Variants in MYH13 observed in about 807,000 individuals in gnomAD.
MYH13 encodes myosin heavy chain 13, also known as myosin-13.
MYH13 carries 177 observed loss-of-function variants against 232.1 expected under a neutral mutation model. The observed-to-expected ratio is 0.76, with a 90% CI of 0.67 to 0.86. MYH13 has a LOEUF of 0.86. Ranked by LOEUF, MYH13 falls within the 40% of genes least tolerant of loss-of-function variation. The pLI, the probability that MYH13 is intolerant of heterozygous loss-of-function variation, is 0.00. For synonymous variants in MYH13, 884 were observed against 923.5 expected (o/e 0.96, Z 0.78); for missense variants, 2,246 against 2,405.9 (o/e 0.93, Z 1.39).
intron 22 of MYH13, among the ~76,000 whole-genome samples, chr17:10,326,578 C>T (rs1379365022): frequency 1.3e-5 from 2 of 151,564 alleles, no homozygotes; most frequent in African/African-American, 4.9e-5. Flanking sequence ...TCAAGTGATT[C>T]TCCTGCCTCA....
intron 11 of MYH13, among the ~76,000 whole-genome samples, chr17:10,352,979 T>A (rs1366757239): frequency 6.6e-6 from 1 of 152,010 alleles, no homozygotes; most frequent in Non-Finnish European, 1.5e-5. Context: ...GCAGCTGAGC[T>A]TCAGCCAATC....
chr17:10,335,399 A>T (rs2142249584), intron 18 of MYH13, among the ~76,000 whole-genome samples: 1 of 152,290 alleles, frequency 6.6e-6, no homozygotes, highest in African/African-American at 2.4e-5. Flanking sequence ...AGCATTTCAG[A>T]TAAAGGGATA....
At chr17:10,305,842 C>CG (rs1234570526) in intron 37 of MYH13, among the ~76,000 whole-genome samples, 1 of 152,122 alleles carries the variant, frequency 6.6e-6, no homozygotes, top group East Asian at 1.9e-4. Context: ...GTCCAGGTGT[C>CG]GGGGGGTTGA....
intron 31 of MYH13, 90 bp downstream of exon 31, chr17:10,312,484 T>C: frequency 1.4e-6 from 2 of 1,430,320 alleles, no homozygotes; most frequent in Admixed American, 2.4e-5. Context: ...TTGTCCCTTT[T>C]CCAAATTCAG....
At chr17:10,319,854 T>C (rs568792727) in intron 26 of MYH13, among the ~76,000 whole-genome samples, 5 of 152,228 alleles carry the variant, frequency 3.3e-5, no homozygotes, top group East Asian at 1.9e-4. Flanking sequence ...CCCAGTGAAA[T>C]TGGCAATTAA....
chr17:10,329,191 G>A (rs893693269), intron 21 of MYH13, among the ~76,000 whole-genome samples: 2 of 152,082 alleles, frequency 1.3e-5, no homozygotes, highest in Admixed American at 6.5e-5. Context: ...ACATGGTGGC[G>A]GTTCATTATG....
At chr17:10,350,140 G>A (rs1302706023) in intron 12 of MYH13, among the ~76,000 whole-genome samples, 1 of 152,148 alleles carries the variant, frequency 6.6e-6, no homozygotes, top group Non-Finnish European at 1.5e-5. Flanking sequence ...CTGGGGTGGA[G>A]GCGATGGGAG....
intron 37 of MYH13, among the ~76,000 whole-genome samples, chr17:10,305,959 G>C (rs909980476): frequency 6.6e-6 from 1 of 152,140 alleles, no homozygotes; most frequent in African/African-American, 2.4e-5. Flanking sequence ...TGACAGATGA[G>C]AAAAGCTGGG....
Position 10,307,070 on chromosome 17 carries a change from A to C in MYH13, c.5170-6T>G. On this transcript the variant is annotated splice_polypyrimidine_tract_variant and splice_region_variant and intron_variant, in intron 35 of 40. Transcript: ENST00000252172. ...GTATTTATCAGGCTTGTGTTCTACA[A>C]GAAGAATTAGATATCAGGGGTGTGG... 6.2e-7 allele frequency: 1 copy of C among 1,606,410 alleles called. No individual in the cohort carries two copies. The highest frequency in any genetic ancestry group is 8.5e-7 in the Non-Finnish European group (1 of 1,173,442).
intron 22 of MYH13, 147 bp downstream of exon 22, chr17:10,327,719 C>T (rs1275192492): frequency 6.1e-6 from 6 of 980,324 alleles, no homozygotes; most frequent in Non-Finnish European, 8.8e-6. Context: ...CATCCTTTTA[C>T]GAGCAAGGTG....
At position 10,306,844 on chromosome 17, in the gene MYH13, T is replaced by A. The variant is rs144729433; in HGVS notation, c.5295+95A>T. The A allele has an allele frequency of 1.7e-4, 277 of 1,588,696 alleles. No homozygotes were observed. The African/African-American group carries it at 3.4e-3, about 19-fold the overall frequency. The stretch of plus-strand genomic sequence containing the variant: ...GGAAGCCACCACTAACCGATTGTTG[T>A]CATAAGAGATGAAACATACTTGCCA... On this transcript the variant is annotated intron_variant, in intron 36 of 40. Coordinates refer to ENST00000252172, the MANE Select transcript of MYH13 (RefSeq NM_003802.3). This position sits in a 1 kb window ranked among gnomAD's most constrained non-coding sequence, Gnocchi z 4.3.
chr17:10,338,207 A>AGTGTC (rs1200473175), intron 18 of MYH13, among the ~76,000 whole-genome samples: 2 of 144,720 alleles, frequency 1.4e-5, no homozygotes, highest in Non-Finnish European at 3.0e-5. Context: ...CAACGACGAC[A>AGTGTC]GTAACAGAAA....
intron 22 of MYH13, among the ~76,000 whole-genome samples, chr17:10,326,769 G>A (rs1365600901): frequency 4.0e-5 from 6 of 150,722 alleles, no homozygotes; most frequent in East Asian, 4.0e-4. Context: ...GAGCCACCGC[G>A]TCCAGCCTAT....
At chr17:10,312,993 C>T (rs1039360061) in intron 30 of MYH13, among the ~76,000 whole-genome samples, 165 bp downstream of exon 30, 8 of 151,830 alleles carry the variant, frequency 5.3e-5, no homozygotes, top group South Asian at 4.2e-4. Context: ...GGACAGTTCC[C>T]GAGAAGAAGG....
rs2142230375 is a variant in MYH13, at chr17:10,318,891, T to G, written c.3637A>C (p.Asn1213His). 6.2e-7 allele frequency: 1 copy of G among 1,614,164 alleles called. No individual in the cohort carries two copies. Reference protein sequence around the residue: ...SVAELGEQIDNLQRVKQKLEK... With the variant: ...SVAELGEQIDHLQRVKQKLEK... ...AGCTTCTGCTTCACCCGCTGCAGGT[T>G]GTCAATCTGCTCCCCAAGCTCGGCC... Residue 1213 changes from asparagine to histidine, a missense_variant, in exon 27 of 41, where the codon AAC (asparagine) becomes CAC (histidine). Asn to His is a moderately conservative substitution (Grantham distance 68, BLOSUM62 1). Transcript: ENST00000252172.
rs552715118 is a variant in MYH13, at chr17:10,340,401, C to T, written c.1895G>A (p.Gly632Asp). The change falls in exon 17 of 41, where the codon GGC becomes GAC. Residue 632 changes from glycine (G) to aspartate (D), a missense_variant and splice_region_variant. Transcript: ENST00000252172. Reference protein sequence around the residue: ...LFSNYAGAETGDSGGSKKGGK... With the variant: ...LFSNYAGAETDDSGGSKKGGK... ...GCCCTTCTTGCTTCCTCCGGAGTCG[C>T]CTGGAGACAGACACAGAAGAGCGTG... 7 of 1,612,176 alleles carry T rather than the reference C, an allele frequency of 4.3e-6. No homozygotes were observed. The South Asian group carries it at 7.7e-5, about 18-fold the overall frequency.
At chr17:10,352,623 C>G (rs1450268144) in intron 11 of MYH13, among the ~76,000 whole-genome samples, 3 of 151,814 alleles carry the variant, frequency 2.0e-5, no homozygotes, top group African/African-American at 7.3e-5. Context: ...AAAAAAGGCT[C>G]CGTGAGAGGA....
Position 10,319,118 on chromosome 17 carries a change from T to C in MYH13, c.3410A>G (p.Glu1137Gly), listed in dbSNP as rs1411632518. The change falls in exon 27 of 41, where the codon GAG (glutamate) becomes GGG (glycine). Residue 1137 changes from glutamate (E) to glycine (G), a missense_variant. Glu to Gly is a moderately conservative substitution (Grantham distance 98). Transcript: ENST00000252172. ...EAEHTLRAKI[E>G]KQRSDLAREL... ...CCTGGCCAGATCTGAGCGCTGCTTC[T>C]CAATCTTGGCTCTGAGCGTGTGTTC... 3 of 1,614,048 alleles carry C rather than the reference T, an allele frequency of 1.9e-6. No individual in the cohort carries two copies. Among genetic ancestry groups the C allele is most frequent in the Non-Finnish European group, 2.5e-6 (3 of 1,180,036 alleles).
intron 22 of MYH13, 134 bp downstream of exon 22, chr17:10,327,732 G>T: frequency 1.8e-6 from 2 of 1,097,708 alleles, no homozygotes; most frequent in South Asian, 3.5e-5. Context: ...GCAAGGTGGT[G>T]CTGCAATACT....
Sources: gnomAD v4.1 joint callset for allele counts (sites outside exome capture counted in the v4.1 genomes callset) on GRCh38, gnomAD v4.1.1 for gene constraint, Gnocchi (gnomAD v3.1) non-coding constraint, MANE v1.5 for transcripts, NCBI Gene and HGNC (gene_info 2026-07-23, HGNC 2026-07-21) for gene names.